FSTL4: variants seen among roughly 807,000 people sequenced by gnomAD.
FSTL4 encodes the protein follistatin like 4.
A neutral mutation model predicts 78.2 loss-of-function variants in FSTL4; 28 were observed. That is an observed-to-expected ratio of 0.36 (90% confidence interval 0.27 to 0.49). The LOEUF is 0.49. Among genes scored for constraint, FSTL4 ranks in the 20% least tolerant of loss-of-function variants. The pLI, the probability that FSTL4 is intolerant of heterozygous loss-of-function variation, is 0.98. For synonymous variants in FSTL4, 422 were observed against 440.5 expected (o/e 0.96, Z 0.53); for missense variants, 922 against 1,084.9 (o/e 0.85, Z 2.11).
At chr5:133,319,939 C>T (rs1255511285) in intron 4 of FSTL4, among the ~76,000 whole-genome samples, 2 of 152,144 alleles carry the variant, frequency 1.3e-5, no homozygotes, top group Non-Finnish European at 2.9e-5. Context: ...GGCCATGGAC[C>T]CTGGAGGAAA....
intron 3 of FSTL4, among the ~76,000 whole-genome samples, chr5:133,466,552 A>G (rs1757713136): frequency 6.6e-6 from 1 of 152,196 alleles, no homozygotes; most frequent in East Asian, 1.9e-4. Context: ...AAAAAAAAAA[A>G]AAAAGAACAT....
rs115817898 is a variant in FSTL4, at chr5:133,198,716, T to C, written c.*379A>G. ...TCCGGGCCACTCCGTCAGGGCAAAG[T>C]CTGGCTGGGTCTGGCAGTAAGGGAC... On this transcript the variant is annotated 3_prime_UTR_variant, in exon 16 of 16. Coordinates refer to ENST00000265342, the MANE Select transcript of FSTL4 (RefSeq NM_015082.2). 4.8e-3 allele frequency: 787 copies of C among 165,614 alleles called. 8 individuals carry two copies. The highest frequency in any genetic ancestry group is 8.4e-3 in the Non-Finnish European group (650 of 77,044). The allele number at this position is 165,614 out of a possible 1,614,324, so 10.3% of individuals were successfully genotyped here.
rs561433209 is a variant in FSTL4 at position 133,439,345 on chromosome 5, C to T, written c.161-38359G>A. 2.0e-5 allele frequency among the ~76,000 whole-genome samples: 3 copies of T among 152,164 alleles called. No homozygotes were observed. The South Asian group carries it at 6.2e-4, about 32-fold the overall frequency. On this transcript the variant is annotated intron_variant, in intron 3 of 15. Coordinates refer to ENST00000265342, the MANE Select transcript of FSTL4 (RefSeq NM_015082.2). ...TTTGACATGACCGGGCCCAAACTTGCCAATATTTGGTTACTCCTGGAGCCA... is the reference window on the plus strand; with the variant it reads ...TTTGACATGACCGGGCCCAAACTTGTCAATATTTGGTTACTCCTGGAGCCA...
chr5:133,508,756 A>T (rs988559121), intron 3 of FSTL4, among the ~76,000 whole-genome samples: 2 of 152,232 alleles, frequency 1.3e-5, no homozygotes, highest in Non-Finnish European at 2.9e-5. Context: ...GTGAGAAGCA[A>T]ATAGCTTTAA....
chr5:133,288,443 G>A (rs758693608), intron 6 of FSTL4, among the ~76,000 whole-genome samples: 6 of 152,200 alleles, frequency 3.9e-5, no homozygotes, highest in Non-Finnish European at 7.3e-5. Flanking sequence ...CTCCTGGCCC[G>A]CTCACTGAAT....
At chr5:133,649,744 T>C in the FSTL4 span, among the ~76,000 whole-genome samples, 1 of 152,170 alleles carries the variant, frequency 6.6e-6, no homozygotes, top group South Asian at 2.1e-4. Context: ...TCTTTGTGTA[T>C]TTTGAATAAG....
intron 4 of FSTL4, among the ~76,000 whole-genome samples, chr5:133,390,159 A>G (rs975305220): frequency 2.6e-5 from 4 of 152,230 alleles, no homozygotes; most frequent in East Asian, 1.9e-4. Context: ...CCTTTTTTCC[A>G]GCTACAAAGA....
intron 3 of FSTL4, among the ~76,000 whole-genome samples, chr5:133,500,963 T>C (rs993805943): frequency 4.0e-5 from 6 of 151,408 alleles, no homozygotes; most frequent in Admixed American, 2.0e-4. Flanking sequence ...AAAAAAGTCA[T>C]CTGCTTTAAC....
At chr5:133,801,042 T>C in the FSTL4 span, among the ~76,000 whole-genome samples, 2 of 152,092 alleles carry the variant, frequency 1.3e-5, no homozygotes, top group Non-Finnish European at 2.9e-5. Context: ...CCGGCAGCAC[T>C]GGCATGATTT....
chr5:133,387,850 C>A (rs771859626), intron 4 of FSTL4: 4 of 152,016 alleles, frequency 2.6e-5, no homozygotes, highest in African/African-American at 7.2e-5. Flanking sequence ...GACCGTAGGT[C>A]GAACACGTCA....
At chr5:133,733,230 G>A in the FSTL4 span, among the ~76,000 whole-genome samples, 1 of 152,150 alleles carries the variant, frequency 6.6e-6, no homozygotes, top group Non-Finnish European at 1.5e-5. Context: ...TAGATTCCCA[G>A]TATATCTCAT....
At chr5:133,772,659 T>C in the FSTL4 span, among the ~76,000 whole-genome samples, 2 of 152,096 alleles carry the variant, frequency 1.3e-5, no homozygotes, top group Non-Finnish European at 1.5e-5. Flanking sequence ...AGAGAACACA[T>C]GTGCACGAGA....
chr5:133,375,291 C>CGCATATATATATATATATATATATATAT (rs1755402251), intron 4 of FSTL4, among the ~76,000 whole-genome samples: 1 of 57,918 alleles, frequency 1.7e-5, no homozygotes, highest in South Asian at 6.6e-4. Flanking sequence ...GTGTGCATGG[C>CGCATATATATATATATATATATATATAT]ATATATATAT....
At chr5:133,324,387 A>G (rs2126900937) in intron 4 of FSTL4, among the ~76,000 whole-genome samples, 1 of 152,320 alleles carries the variant, frequency 6.6e-6, no homozygotes, top group East Asian at 1.9e-4. Flanking sequence ...AGGCACCTGC[A>G]TGGTGGTGGG....
At chr5:133,778,756 A>AG in the FSTL4 span, among the ~76,000 whole-genome samples, 1 of 152,228 alleles carries the variant, frequency 6.6e-6, no homozygotes, top group African/African-American at 2.4e-5. Context: ...CGGCACTCGC[A>AG]GCGCTGACTC....
At chr5:133,268,536 G>C (rs976816855) in intron 6 of FSTL4, among the ~76,000 whole-genome samples, 11 of 152,190 alleles carry the variant, frequency 7.2e-5, no homozygotes, top group African/African-American at 2.4e-4. Flanking sequence ...ATGGGAGGTG[G>C]TGGAGGCCCG....
chr5:133,350,851 T>A (rs890619639), intron 4 of FSTL4, among the ~76,000 whole-genome samples: 2 of 152,150 alleles, frequency 1.3e-5, no homozygotes, highest in African/African-American at 4.8e-5. Context: ...CTCTCTTCCT[T>A]AAGGTGGCTT....
At chr5:133,406,260 G>A (rs903605890) in intron 3 of FSTL4, among the ~76,000 whole-genome samples, 5 of 152,206 alleles carry the variant, frequency 3.3e-5, no homozygotes, top group African/African-American at 9.7e-5. Context: ...AGGGAGAGGA[G>A]GCCTGGTATA....
At chr5:133,459,592 G>A (rs915399925) in intron 3 of FSTL4, among the ~76,000 whole-genome samples, 14 of 152,264 alleles carry the variant, frequency 9.2e-5, no homozygotes, top group African/African-American at 3.4e-4. Context: ...CATCTGCAGA[G>A]GAGACTGTGG....
Sources: gnomAD v4.1 joint callset for allele counts (sites outside exome capture counted in the v4.1 genomes callset) on GRCh38, gnomAD v4.1.1 for gene constraint, MANE v1.5 for transcripts, NCBI Gene and HGNC (gene_info 2026-07-23, HGNC 2026-07-21) for gene names.